TOPAZ1: variants seen among roughly 807,000 people sequenced by gnomAD.
TOPAZ1 encodes testis and ovary specific TOPAZ 1.
A neutral mutation model predicts 172.2 loss-of-function variants in TOPAZ1; 66 were observed. The ratio of observed to expected loss-of-function variants is 0.38; its 90% CI spans 0.31 to 0.47. The LOEUF (loss-of-function observed/expected upper bound fraction) is 0.47, where lower values mean the gene tolerates loss of function less well. Among genes scored for constraint, TOPAZ1 ranks in the 20% least tolerant of loss-of-function variants. TOPAZ1 has a pLI of 0.99. For synonymous variants in TOPAZ1, 681 were observed against 683.9 expected (o/e 1.00, Z 0.07); for missense variants, 1,822 against 1,972.4 (o/e 0.92, Z 1.44).
At chr3:44,322,804 GCTACT>G (rs1700556151) in intron 17 of TOPAZ1, among the ~76,000 whole-genome samples, 1 of 152,222 alleles carries the variant, frequency 6.6e-6, no homozygotes, top group Admixed American at 6.5e-5. Flanking sequence ...TGTAGTCCAA[GCTACT>G]TAGGAGGCTG....
At position 44,290,839 on chromosome 3, in the gene TOPAZ1, A is replaced by G; in HGVS notation, c.3750A>G (p.Val1250=). 1.3e-6 allele frequency: 2 copies of G among 1,549,922 alleles called. No homozygotes were observed. The highest frequency in any genetic ancestry group is 1.7e-6 in the Non-Finnish European group (2 of 1,146,512). ...ATATTGTTAAGCTTTTATACCAAGT[A>G]CAAGCTTCCAAACAAGAAATAACTG... The part of the protein sequence containing the change: ...FNYIVKLLYQ[V]QASKQEITAV... The change falls in exon 12 of 20, where the codon GTA becomes GTG. Residue 1250 remains valine (V), a synonymous_variant. Transcript: ENST00000309765.
intron 18 of TOPAZ1, among the ~76,000 whole-genome samples, chr3:44,324,371 C>G (rs997318897): frequency 6.6e-6 from 1 of 151,932 alleles, no homozygotes; most frequent in Non-Finnish European, 1.5e-5. Flanking sequence ...TGTTTCAACT[C>G]TTTATACTAT....
chr3:44,292,997 A>C (rs1314612154), intron 12 of TOPAZ1, among the ~76,000 whole-genome samples: 1 of 152,166 alleles, frequency 6.6e-6, no homozygotes, highest in Non-Finnish European at 1.5e-5. Context: ...TATGTGCCCC[A>C]TAATAATGTT....
intron 2 of TOPAZ1, among the ~76,000 whole-genome samples, chr3:44,248,773 A>T (rs1188366393): frequency 6.6e-6 from 1 of 152,208 alleles, no homozygotes; most frequent in Non-Finnish European, 1.5e-5. Context: ...TAGAAGATGA[A>T]AGGGTGAGGC....
chr3:44,269,670 G>C (rs1403558285), intron 7 of TOPAZ1, among the ~76,000 whole-genome samples: 2 of 151,358 alleles, frequency 1.3e-5, no homozygotes, highest in African/African-American at 4.9e-5. Context: ...GTCTAGGCTG[G>C]AGTACAATGG....
intron 18 of TOPAZ1, 146 bp downstream of exon 18, chr3:44,323,441 T>A (rs1259978748): frequency 2.1e-6 from 1 of 469,312 alleles, no homozygotes; most frequent in East Asian, 3.7e-5. Context: ...AGATCTGTGC[T>A]CTCTTTTGAA....
chr3:44,308,595 CATGT>C (rs1347869086), intron 15 of TOPAZ1, among the ~76,000 whole-genome samples: 1 of 151,790 alleles, frequency 6.6e-6, no homozygotes, highest in Non-Finnish European at 1.5e-5. Flanking sequence ...CATACATATG[CATGT>C]GTCTTTATAG....
In TOPAZ1 at chr3:44,270,408, CT is replaced by C. The variant is rs557513985; in HGVS notation, c.3247-275del. Among the ~76,000 whole-genome samples, 626 of 151,916 alleles carry C rather than the reference CT, an allele frequency of 4.1e-3. 7 individuals carry two copies. Among genetic ancestry groups the C allele is most frequent in the African/African-American group, 0.014 (576 of 41,408 alleles). On this transcript the variant is annotated intron_variant, in intron 7 of 19. Coordinates refer to ENST00000309765, the MANE Select transcript of TOPAZ1 (RefSeq NM_001145030.2). ...CTGTACCTGCTCCAGAAAAAACAGT[CT>C]TAAAAAATGAGACATAAAAGAGAAT...
intron 2 of TOPAZ1, among the ~76,000 whole-genome samples, chr3:44,253,841 A>C (rs1037584061): frequency 6.6e-6 from 1 of 152,246 alleles, no homozygotes; most frequent in Non-Finnish European, 1.5e-5. Context: ...CTAGGAAGTA[A>C]TTCTGAACCA....
At position 44,244,639 on chromosome 3, in the gene TOPAZ1, T is replaced by C. The variant is rs975215617; in HGVS notation, c.2133T>C (p.Ala711=). The change falls in exon 2 of 20, where the codon GCT becomes GCC. Residue 711 remains alanine (A), a synonymous_variant. Transcript: ENST00000309765. ...EVNAKSSERE[A]YSPLELLDNL... ...ATGCCAAGTCATCAGAGAGAGAAGC[T>C]TACAGTCCTCTAGAACTTCTGGACA... 4 of 1,551,428 alleles carry C rather than the reference T, an allele frequency of 2.6e-6. No individual in the cohort carries two copies. Among genetic ancestry groups the C allele is most frequent in the Non-Finnish European group, 2.6e-6 (3 of 1,146,962 alleles).
chr3:44,326,298 A>G (rs1453185273), intron 18 of TOPAZ1, among the ~76,000 whole-genome samples: 1 of 152,074 alleles, frequency 6.6e-6, no homozygotes, highest in Non-Finnish European at 1.5e-5. Context: ...CTGTTTCTTT[A>G]TATCTTCACC....
rs1359614996 is a variant in TOPAZ1 at position 44,280,753 on chromosome 3, G to T, written c.3373-1215G>T. Among the ~76,000 whole-genome samples, 3 of 152,218 alleles carry T rather than the reference G, an allele frequency of 2.0e-5. No individual in the cohort carries two copies. In the East Asian group the frequency reaches 5.8e-4, roughly 29 times the overall value. On this transcript the variant is annotated intron_variant, in intron 8 of 19. Transcript: ENST00000309765. Reference sequence around the variant, plus strand: ...GTGTAGCCATCTTTCTGGTTCTGGTGGGGGCGCTGAGTCACTGCCATTGGC... The same window carrying T: ...GTGTAGCCATCTTTCTGGTTCTGGTTGGGGCGCTGAGTCACTGCCATTGGC...
At chr3:44,301,144 G>A (rs552823437) in intron 12 of TOPAZ1, among the ~76,000 whole-genome samples, 10 of 152,172 alleles carry the variant, frequency 6.6e-5, no homozygotes, top group African/African-American at 2.4e-4. Context: ...GAGGGGATGA[G>A]TATAAAAGGG....
chr3:44,282,074 T>G (rs1319016090), intron 9 of TOPAZ1, 43 bp downstream of exon 9: 1 of 1,276,560 alleles, frequency 7.8e-7, no homozygotes, highest in Non-Finnish European at 1.1e-6. Context: ...ATTAATGTGT[T>G]GTTTGAAAAT....
chr3:44,256,416 G>A (rs1214063046), intron 4 of TOPAZ1, 138 bp downstream of exon 4: 6 of 776,486 alleles, frequency 7.7e-6, no homozygotes, highest in Non-Finnish European at 1.2e-5. Flanking sequence ...CTAGCCATGG[G>A]ATGTATCCCT....
intron 9 of TOPAZ1, among the ~76,000 whole-genome samples, chr3:44,284,252 T>C (rs2171572): frequency 0.83 from 126,001 of 152,164 alleles, 52,219 homozygotes; most frequent in Middle Eastern, 0.9. Context: ...AAATGCCGTA[T>C]GCATTAAACA....
At chr3:44,274,285 C>T (rs1699928221) in intron 8 of TOPAZ1, among the ~76,000 whole-genome samples, 1 of 151,194 alleles carries the variant, frequency 6.6e-6, no homozygotes, top group African/African-American at 2.4e-5. Flanking sequence ...GGTGGGCGCC[C>T]AGCTACTTGG....
Position 44,287,413 on chromosome 3 carries a change from G to C in TOPAZ1, c.3461G>C (p.Arg1154Thr), listed in dbSNP as rs1284324457. 1 of 1,503,692 alleles carries C rather than the reference G, an allele frequency of 6.7e-7. No homozygotes were observed. Among genetic ancestry groups the C allele is most frequent in the Admixed American group, 2.2e-5 (1 of 45,018 alleles). The allele number at this position is 1,503,692 out of a possible 1,614,324, so 93.1% of individuals were successfully genotyped here. A position where few individuals can be genotyped will look rare whatever the true frequency, so the allele number is the denominator to read the frequency against. Residue 1154 changes from arginine (R) to threonine (T), a missense_variant, in exon 10 of 20, where the codon AGA (arginine) becomes ACA (threonine). Physicochemically the swap from Arg to Thr is moderately conservative, Grantham distance 71 (BLOSUM62 -1). This residue lies in a region of TOPAZ1 where 1,489 missense variants were observed against 1,490.8 expected (regional missense o/e 1.00). Transcript: ENST00000309765. Reference protein sequence around the residue: ...RAVNIFMEYYRKFPPGVYFDL... With the variant: ...RAVNIFMEYYTKFPPGVYFDL... ...GTAAACATATTTATGGAGTACTACA[G>C]AAAGTTTCCCCCAGGTGTATACTTT... is the stretch of plus-strand genomic sequence containing the variant.
At chr3:44,289,342 G>A (rs1243834352) in intron 11 of TOPAZ1, among the ~76,000 whole-genome samples, 1 of 152,190 alleles carries the variant, frequency 6.6e-6, no homozygotes, top group African/African-American at 2.4e-5. Flanking sequence ...TGTTAAGGTA[G>A]TGGATTGGTA....
Sources: allele counts gnomAD v4.1 joint callset (sites outside exome capture counted in the v4.1 genomes callset), GRCh38; gene constraint gnomAD v4.1.1; regional missense constraint gnomAD v4.1.1; transcripts MANE v1.5; gene names NCBI Gene and HGNC (gene_info 2026-07-23, HGNC 2026-07-21).